The following DGKH variants were observed in gnomAD, a reference collection of about 807,000 sequenced individuals.
DGKH encodes diacylglycerol kinase eta.
A neutral mutation model predicts 159.3 loss-of-function variants in DGKH; 90 were observed. The ratio of observed to expected loss-of-function variants is 0.57; its 90% confidence interval spans 0.48 to 0.67. The LOEUF (loss-of-function observed/expected upper bound fraction) is 0.67. Ranked by LOEUF, DGKH falls within the 30% of genes least tolerant of loss-of-function variation. DGKH has a pLI of 0.00. For missense variants in DGKH, 1,181 were observed against 1,506.1 expected, an observed-to-expected ratio of 0.78 and a Z score of 3.57; for synonymous variants, 536 against 553.8, an observed-to-expected ratio of 0.97 and a Z score of 0.45.
rs545850006 is a variant in DGKH at position 42,179,891 on chromosome 13, T to C, written c.1538+1671T>C. ...TAGGGAGAAAAAGGGGTGGCTACTC[T>C]AATTATCCTGTTTGCATCTGTAGAA... On this transcript the variant is annotated intron_variant, in intron 13 of 29. Coordinates refer to ENST00000337343, the MANE Select transcript of DGKH (RefSeq NM_178009.5). Among the ~76,000 whole-genome samples, 13 of 152,274 alleles carry C rather than the reference T, an allele frequency of 8.5e-5. No homozygotes were observed. The South Asian group carries it at 2.5e-3, about 29-fold the overall frequency.
intron 1 of DGKH, among the ~76,000 whole-genome samples, chr13:42,058,816 A>G (rs1881938989): frequency 1.3e-5 from 2 of 152,328 alleles, no homozygotes; most frequent in African/African-American, 4.8e-5. Flanking sequence ...CTCACCTGCC[A>G]GGTAGATACA....
At chr13:42,071,476 C>T (rs890527412) in intron 1 of DGKH, among the ~76,000 whole-genome samples, 2 of 152,258 alleles carry the variant, frequency 1.3e-5, no homozygotes, top group Non-Finnish European at 2.9e-5. Context: ...AATATGCACA[C>T]AACAGGCTTC....
intron 21 of DGKH, among the ~76,000 whole-genome samples, chr13:42,207,062 C>CCTTCTTTCT (rs1957507703): frequency 9.2e-5 from 6 of 65,340 alleles, no homozygotes; most frequent in African/African-American, 3.6e-4. Flanking sequence ...TCTTTCCTTC[C>CCTTCTTTCT]TTCTTTCTTT....
rs757891982 is a variant in DGKH, at chr13:42,174,049, T to C, written c.1368-11T>C. On this transcript the variant is annotated splice_polypyrimidine_tract_variant and intron_variant, in intron 11 of 29. Transcript: ENST00000337343. ...AGGAAATCTTTGACCAAAGAGTTTT[T>C]CTCCCTTCAGGTGGAGTATAATGAC... 6.2e-7 allele frequency: 1 copy of C among 1,606,618 alleles called. No individual in the cohort carries two copies. Among genetic ancestry groups the C allele is most frequent in the African/African-American group, 1.3e-5 (1 of 74,598 alleles).
Position 42,230,074 on chromosome 13 carries a change from A to C in DGKH, c.*886A>C, listed in dbSNP as rs1374431277. ...ATTCTCTGGATATTTTCATAAAATT[A>C]CATGCTCCCTTACCTGACAAAACTT... is the stretch of plus-strand genomic sequence containing the variant. On this transcript the variant is annotated 3_prime_UTR_variant, in exon 30 of 30. Transcript: ENST00000337343. 1.3e-5 allele frequency: 2 copies of C among 152,220 alleles called. No homozygotes were observed. Among genetic ancestry groups the C allele is most frequent in the African/African-American group, 4.8e-5 (2 of 41,468 alleles). The allele number at this position is 152,220 out of a possible 1,614,324, so 9.4% of individuals were successfully genotyped here.
chr13:42,199,991 C>T (rs966329291), intron 20 of DGKH, 82 bp downstream of exon 20: 103 of 1,146,836 alleles, frequency 9.0e-5, no homozygotes, highest in Non-Finnish European at 1.1e-4. Context: ...GACCTAAATG[C>T]GTTTTGATTA....
At position 42,155,297 on chromosome 13, in the gene DGKH, A is replaced by G; in HGVS notation, c.391A>G (p.Thr131Ala). 6.3e-7 allele frequency: 1 copy of G among 1,592,370 alleles called. No individual in the cohort carries two copies. The highest frequency in any genetic ancestry group is 8.5e-7 in the Non-Finnish European group (1 of 1,174,452). Residue 131 changes from threonine to alanine, a missense_variant, in exon 4 of 30, where the codon ACT becomes GCT. By Grantham distance (58) the Thr-to-Ala change is moderately conservative (BLOSUM62 0). Around this residue, in one of 5 missense-constraint regions of DGKH, gnomAD observed 369 missense variants for 519.4 expected, o/e 0.71. Coordinates refer to ENST00000337343, the MANE Select transcript of DGKH (RefSeq NM_178009.5). ...KNANNSFTIITPFRRLMLCAE... is the reference protein window; with the variant it reads ...KNANNSFTIIAPFRRLMLCAE... Reference sequence around the variant, plus strand: ...ATTGAATTATCCCTTTCAGATCATCACTCCATTCAGAAGGCTAATGCTGTG... The same window carrying G: ...ATTGAATTATCCCTTTCAGATCATCGCTCCATTCAGAAGGCTAATGCTGTG...
At chr13:42,123,083 C>T (rs1435080180) in intron 1 of DGKH, among the ~76,000 whole-genome samples, 1 of 152,150 alleles carries the variant, frequency 6.6e-6, no homozygotes, top group African/African-American at 2.4e-5. Flanking sequence ...AAAAAGCCAA[C>T]GTAGAGGACT....
intron 7 of DGKH, among the ~76,000 whole-genome samples, chr13:42,161,249 G>A (rs890456996): frequency 6.6e-6 from 1 of 152,106 alleles, no homozygotes; most frequent in Non-Finnish European, 1.5e-5. Flanking sequence ...TTTTTGAGAG[G>A]ACAACCACTG....
chr13:42,103,204 T>A (rs1954685197), intron 1 of DGKH, among the ~76,000 whole-genome samples: 1 of 152,100 alleles, frequency 6.6e-6, no homozygotes, highest in Non-Finnish European at 1.5e-5. Context: ...AAGCATAAGG[T>A]AAATGGAGAA....
At chr13:42,076,040 T>C (rs1954090082) in intron 1 of DGKH, among the ~76,000 whole-genome samples, 1 of 152,246 alleles carries the variant, frequency 6.6e-6, no homozygotes, top group Non-Finnish European at 1.5e-5. Flanking sequence ...TTGTTGCGTG[T>C]AATCCTCTTA....
chr13:42,098,695 T>G (rs1220194093), intron 1 of DGKH, among the ~76,000 whole-genome samples: 1 of 152,206 alleles, frequency 6.6e-6, no homozygotes, highest in Non-Finnish European at 1.5e-5. Flanking sequence ...ATTTCATAAA[T>G]ACAAATAATT....
At chr13:42,062,058 A>G (rs1180490131) in intron 1 of DGKH, among the ~76,000 whole-genome samples, 2 of 151,478 alleles carry the variant, frequency 1.3e-5, no homozygotes, top group African/African-American at 2.4e-5. Flanking sequence ...TTGATAAGGT[A>G]ATATTTGAAC....
chr13:42,207,160 TCC>T (rs1957526263), intron 21 of DGKH, among the ~76,000 whole-genome samples: 2 of 79,784 alleles, frequency 2.5e-5, no homozygotes, highest in African/African-American at 5.1e-5. Flanking sequence ...CTTCCTTCCT[TCC>T]TTCCTTCCTT....
intron 24 of DGKH, among the ~76,000 whole-genome samples, chr13:42,213,334 G>A (rs1957708382): frequency 6.6e-6 from 1 of 152,140 alleles, no homozygotes; most frequent in Non-Finnish European, 1.5e-5. Context: ...GCCTTTGATG[G>A]AGCCATAGGG....
intron 29 of DGKH, among the ~76,000 whole-genome samples, chr13:42,222,054 C>G (rs148282331): frequency 1.3e-4 from 20 of 152,224 alleles, no homozygotes; most frequent in Non-Finnish European, 2.4e-4. Flanking sequence ...TGTGAATTGA[C>G]GATAGAGAAA....
chr13:42,046,495 G>C (rs919165472), upstream of DGKH, among the ~76,000 whole-genome samples: 2 of 152,210 alleles, frequency 1.3e-5, no homozygotes, highest in African/African-American at 4.8e-5. Context: ...GAAGTGCAAA[G>C]CTGGCTCTGA....
intron 1 of DGKH, among the ~76,000 whole-genome samples, chr13:42,092,581 C>G (rs1157317579): frequency 3.3e-5 from 5 of 151,876 alleles, no homozygotes; most frequent in Non-Finnish European, 5.9e-5. Flanking sequence ...ATGGTGGTTA[C>G]TAGAGGCTGG....
intron 1 of DGKH, among the ~76,000 whole-genome samples, chr13:42,061,190 C>T (rs149901487): frequency 1.3e-5 from 2 of 152,128 alleles, no homozygotes; most frequent in Non-Finnish European, 2.9e-5. Context: ...GTTTATATAG[C>T]ATGTGTGGAA....
Sources: gnomAD v4.1 joint callset for allele counts (sites outside exome capture counted in the v4.1 genomes callset) on GRCh38, gnomAD v4.1.1 for gene constraint, gnomAD v4.1.1 regional missense constraint, MANE v1.5 for transcripts, NCBI Gene and HGNC (gene_info 2026-07-23, HGNC 2026-07-21) for gene names.